The following TBC1D22B variants were observed in gnomAD, a reference collection of about 807,000 sequenced individuals.
TBC1D22B encodes the protein chromosome 6 open reading frame 197.
A neutral mutation model predicts 69.1 loss-of-function variants in TBC1D22B; 32 were observed. The observed-to-expected ratio is 0.46, with a 90% CI of 0.35 to 0.62. The LOEUF (loss-of-function observed/expected upper bound fraction) is 0.62, where lower values mean the gene tolerates loss of function less well. TBC1D22B is among the 20% of genes least tolerant of loss of function. TBC1D22B has a pLI of 0.00. For synonymous variants in TBC1D22B, 206 were observed against 229.8 expected, an observed-to-expected ratio of 0.90 and a Z score of 0.94; for missense variants, 462 against 630.9, an observed-to-expected ratio of 0.73 and a Z score of 2.87.
intron 8 of TBC1D22B, among the ~76,000 whole-genome samples, chr6:37,301,243 AT>A (rs1264366240): frequency 6.6e-6 from 1 of 152,200 alleles, no homozygotes; most frequent in Non-Finnish European, 1.5e-5. Flanking sequence ...TAACAGCTTT[AT>A]TGGGATGTAC....
At chr6:37,322,887 C>T (rs746201267) in intron 12 of TBC1D22B, among the ~76,000 whole-genome samples, 3 of 151,886 alleles carry the variant, frequency 2.0e-5, no homozygotes, top group Non-Finnish European at 1.5e-5. Context: ...CACGTGTAGA[C>T]GAGCATGAGC....
intron 8 of TBC1D22B, among the ~76,000 whole-genome samples, chr6:37,306,427 C>T (rs1377623119): frequency 4.6e-5 from 7 of 152,184 alleles, no homozygotes; most frequent in East Asian, 1.9e-4. Flanking sequence ...ACATCCACAG[C>T]GTCTTAGTAA....
intron 7 of TBC1D22B, 91 bp downstream of exon 7, chr6:37,287,163 T>A (rs1003345912): frequency 2.2e-5 from 21 of 974,340 alleles, no homozygotes; most frequent in Non-Finnish European, 3.2e-5. Flanking sequence ...TAATAGTACC[T>A]TATGTTCATA....
chr6:37,288,192 CT>C (rs1767065042), intron 7 of TBC1D22B, among the ~76,000 whole-genome samples: 1 of 152,126 alleles, frequency 6.6e-6, no homozygotes, highest in Non-Finnish European at 1.5e-5. Flanking sequence ...TCCCTCATGT[CT>C]TACCCATAGC....
Position 37,332,910 on chromosome 6 carries a change from G to C in TBC1D22B, c.*1738G>C, listed in dbSNP as rs1768624217. 4 of 152,374 alleles carry C rather than the reference G, an allele frequency of 2.6e-5. No individual in the cohort carries two copies. In the South Asian group the frequency reaches 8.3e-4, roughly 32 times the overall value. The allele number at this position is 152,374 out of a possible 1,614,324, so 9.4% of individuals were successfully genotyped here. ...TTTTATTTTTTTAGTTTTTATGTTT[G>C]TATGGGAAATTGTGGATAAAGTGAA... On this transcript the variant is annotated 3_prime_UTR_variant, in exon 13 of 13. Transcript: ENST00000373491.
At chr6:37,318,253 G>A (rs1367276728) in intron 12 of TBC1D22B, among the ~76,000 whole-genome samples, 1 of 152,194 alleles carries the variant, frequency 6.6e-6, no homozygotes, top group Non-Finnish European at 1.5e-5. Context: ...TGTTTAGTAA[G>A]TAGAGCCAAC....
At chr6:37,284,841 C>G (rs1235665863) in intron 6 of TBC1D22B, among the ~76,000 whole-genome samples, 1 of 152,086 alleles carries the variant, frequency 6.6e-6, no homozygotes, top group African/African-American at 2.4e-5. Context: ...GTCCACCAAC[C>G]ACACTGTGAG....
intron 10 of TBC1D22B, 45 bp downstream of exon 10, chr6:37,313,936 T>TCAAC: frequency 6.4e-7 from 1 of 1,568,260 alleles, no homozygotes; most frequent in Non-Finnish European, 8.8e-7. Flanking sequence ...GCAGAGTTGA[T>TCAAC]TCTGTTATGA....
intron 2 of TBC1D22B, among the ~76,000 whole-genome samples, chr6:37,273,389 C>A (rs887527810): frequency 3.3e-5 from 5 of 152,162 alleles, no homozygotes; most frequent in South Asian, 2.1e-4. Flanking sequence ...AGCTGTTCAT[C>A]CACTCATATA....
chr6:37,319,564 G>C (rs975607622), intron 12 of TBC1D22B, among the ~76,000 whole-genome samples: 1 of 152,180 alleles, frequency 6.6e-6, no homozygotes, highest in African/African-American at 2.4e-5. Flanking sequence ...CAATTATCTG[G>C]TAGGTCTGAG....
At chr6:37,298,980 G>T (rs1281450806) in intron 8 of TBC1D22B, among the ~76,000 whole-genome samples, 2 of 152,198 alleles carry the variant, frequency 1.3e-5, no homozygotes, top group Non-Finnish European at 1.5e-5. Context: ...CTGAAAGCAT[G>T]CCAAATAGGT....
Position 37,257,991 on chromosome 6 carries a change from A to G in TBC1D22B, c.56+18A>G. The stretch of plus-strand genomic sequence containing the variant: ...CCGGGGAGGTGAGCCCAGGACGCTG[A>G]GAGGGATAGGGGATTGGACCAAACC... On this transcript the variant is annotated intron_variant, in intron 1 of 12. Transcript: ENST00000373491. 1 of 1,613,652 alleles carries G rather than the reference A, an allele frequency of 6.2e-7. No homozygotes were observed. The highest frequency in any genetic ancestry group is 2.2e-5 in the East Asian group (1 of 44,866).
At chr6:37,299,381 G>A (rs1005142429) in intron 8 of TBC1D22B, among the ~76,000 whole-genome samples, 17 of 151,836 alleles carry the variant, frequency 1.1e-4, no homozygotes, top group African/African-American at 3.9e-4. Context: ...TTTTTTTACC[G>A]CCCAACATGG....
rs776462437 is a variant in TBC1D22B, at chr6:37,316,850, C to G, written c.1293+20C>G. 4.3e-6 allele frequency: 7 copies of G among 1,613,738 alleles called. No individual in the cohort carries two copies. The highest frequency in any genetic ancestry group is 1.7e-5 in the Admixed American group (1 of 60,006). Reference sequence around the variant, plus strand: ...TATCAGGTAGGAGGGATTCCCCGGCCTCTCTGTGCCAGGCTGTCTCTGAGG... The same window carrying G: ...TATCAGGTAGGAGGGATTCCCCGGCGTCTCTGTGCCAGGCTGTCTCTGAGG... On this transcript the variant is annotated intron_variant, in intron 11 of 12. Transcript: ENST00000373491.
At chr6:37,307,016 G>A (rs1767741459) in intron 8 of TBC1D22B, among the ~76,000 whole-genome samples, 2 of 152,194 alleles carry the variant, frequency 1.3e-5, no homozygotes, top group Non-Finnish European at 2.9e-5. Context: ...GTCTTTGTCA[G>A]GTGGTTTGGC....
chr6:37,318,398 G>C (rs1326109375), intron 12 of TBC1D22B, among the ~76,000 whole-genome samples: 1 of 152,240 alleles, frequency 6.6e-6, no homozygotes, highest in Non-Finnish European at 1.5e-5. Flanking sequence ...CAAGAGTCCA[G>C]CTTCAGCCAT....
At position 37,289,806 on chromosome 6, in the gene TBC1D22B, C is replaced by A. The variant is rs1224615714; in HGVS notation, c.868-1437C>A. Among the ~76,000 whole-genome samples, 5 of 152,170 alleles carry A rather than the reference C, an allele frequency of 3.3e-5. No homozygotes were observed. The East Asian group carries it at 9.6e-4, about 29-fold the overall frequency. ...TTTTCAAGATAGAGGGATCATTTAG[C>A]AACAGAGAGGAAATAGAGTGTAAGA... On this transcript the variant is annotated intron_variant, in intron 7 of 12. Coordinates refer to ENST00000373491, the MANE Select transcript of TBC1D22B (RefSeq NM_017772.4).
At chr6:37,298,600 C>T (rs1021471754) in intron 8 of TBC1D22B, among the ~76,000 whole-genome samples, 3 of 126,486 alleles carry the variant, frequency 2.4e-5, no homozygotes, top group Non-Finnish European at 4.6e-5. Flanking sequence ...AGCCGGAGTG[C>T]AGTGGCGCGA....
At chr6:37,320,498 G>A (rs1420631713) in intron 12 of TBC1D22B, among the ~76,000 whole-genome samples, 1 of 152,114 alleles carries the variant, frequency 6.6e-6, no homozygotes, top group Non-Finnish European at 1.5e-5. Flanking sequence ...TTCCTTTAGT[G>A]TATTCACGAG....
Sources: allele counts gnomAD v4.1 joint callset (sites outside exome capture counted in the v4.1 genomes callset), GRCh38; gene constraint gnomAD v4.1.1; transcripts MANE v1.5; gene names NCBI Gene and HGNC (gene_info 2026-07-23, HGNC 2026-07-21).